Variants in LRBA observed in about 807,000 individuals in gnomAD.
LRBA encodes LPS responsive beige-like anchor protein, also known as lipopolysaccharide-responsive and beige-like anchor protein.
Under a neutral mutation model 330.0 loss-of-function variants are expected in LRBA, and 176 were observed. The observed-to-expected ratio is 0.53, with a 90% CI of 0.47 to 0.60. The LOEUF (loss-of-function observed/expected upper bound fraction) is 0.60. Among genes scored for constraint, LRBA ranks in the 20% least tolerant of loss-of-function variants. The probability of loss-of-function intolerance (pLI) is 0.00; values close to 1 mark genes in which losing one functional copy is unlikely to be tolerated. For synonymous variants in LRBA, 1,230 were observed against 1,193.0 expected (o/e 1.03, Z -0.64); for missense variants, 3,259 against 3,444.8 (o/e 0.95, Z 1.35).
intron 34 of LRBA, among the ~76,000 whole-genome samples, chr4:150,763,092 G>A (rs778204170): frequency 3.3e-5 from 5 of 151,904 alleles, no homozygotes; most frequent in African/African-American, 7.2e-5. Context: ...AATAGTATTA[G>A]TATAACTATG....
intron 35 of LRBA, among the ~76,000 whole-genome samples, chr4:150,743,403 A>G (rs1345125743): frequency 6.6e-6 from 1 of 152,244 alleles, no homozygotes; most frequent in Non-Finnish European, 1.5e-5. Flanking sequence ...ATCAAAATAT[A>G]CAATCATATA....
At chr4:150,600,239 C>A (rs1003645971) in intron 37 of LRBA, among the ~76,000 whole-genome samples, 6 of 152,022 alleles carry the variant, frequency 3.9e-5, no homozygotes, top group Non-Finnish European at 7.4e-5. Context: ...TATTCATAAT[C>A]AAAACTTCTT....
At chr4:150,819,261 C>T (rs1310921313) in intron 30 of LRBA, among the ~76,000 whole-genome samples, 1 of 150,754 alleles carries the variant, frequency 6.6e-6, no homozygotes, top group Non-Finnish European at 1.5e-5. Flanking sequence ...AGAATAATTG[C>T]CTCTGGGGGA....
intron 48 of LRBA, among the ~76,000 whole-genome samples, chr4:150,331,499 C>T (rs1440485571): frequency 1.3e-5 from 2 of 152,140 alleles, no homozygotes; most frequent in Non-Finnish European, 2.9e-5. Context: ...CCATTAGCCA[C>T]CTTCAATAAT....
chr4:150,499,824 C>T (rs996940233), intron 40 of LRBA, among the ~76,000 whole-genome samples: 1 of 151,994 alleles, frequency 6.6e-6, no homozygotes, highest in Admixed American at 6.6e-5. Context: ...CTTCTCAATG[C>T]CAATTCTTCC....
intron 17 of LRBA, among the ~76,000 whole-genome samples, chr4:150,878,657 G>C (rs1408610133): frequency 2.0e-5 from 3 of 151,184 alleles, no homozygotes; most frequent in Non-Finnish European, 4.4e-5. Flanking sequence ...CAAAGTTGAT[G>C]ATACAACCAA....
At chr4:150,719,822 G>A (rs774212931) in intron 36 of LRBA, among the ~76,000 whole-genome samples, 146 of 152,152 alleles carry the variant, frequency 9.6e-4, no homozygotes, top group East Asian at 1.7e-3. Flanking sequence ...TGAAAAATGC[G>A]GCTGATTCAC....
At chr4:150,921,127 C>A in intron 5 of LRBA, 71 bp downstream of exon 5, 1 of 984,116 alleles carries the variant, frequency 1.0e-6, no homozygotes, top group South Asian at 1.3e-5. Context: ...CAGGGGTGTT[C>A]ACAGGGCTGT....
At chr4:150,976,692 G>A (rs1740217990) in intron 2 of LRBA, among the ~76,000 whole-genome samples, 1 of 137,510 alleles carries the variant, frequency 7.3e-6, no homozygotes. Flanking sequence ...CAAAAATAAG[G>A]TGAGCAATCA....
chr4:150,386,273 GT>G (rs1435628547), intron 47 of LRBA, among the ~76,000 whole-genome samples: 1 of 151,968 alleles, frequency 6.6e-6, no homozygotes, highest in African/African-American at 2.4e-5. Flanking sequence ...TTTCATTAAT[GT>G]TTTCTAAATA....
At chr4:150,790,245 T>C (rs2126637986) in intron 34 of LRBA, among the ~76,000 whole-genome samples, 1 of 152,352 alleles carries the variant, frequency 6.6e-6, no homozygotes, top group South Asian at 2.1e-4. Flanking sequence ...CAGGGTGTAC[T>C]GCCAGTTCCA....
chr4:150,648,158 C>CAAAAAAAAAAAAAA lies in LRBA; in HGVS notation c.5921+35379_5921+35392dup. Among the ~76,000 whole-genome samples, 18 of 18,096 alleles carry CAAAAAAAAAAAAAA rather than the reference C, an allele frequency of 9.9e-4. 2 individuals are homozygous for CAAAAAAAAAAAAAA. The highest frequency in any genetic ancestry group is 5.1e-3 in the East Asian group (2 of 392). 11.9% of individuals were successfully genotyped at this position (18,096 alleles called of 152,430 possible). On this transcript the variant is annotated intron_variant, in intron 37 of 56. Coordinates refer to ENST00000651943, the MANE Select transcript of LRBA (RefSeq NM_001364905.1). ...TCAGAAGAGAAAGGAACACAAGTAG[C>CAAAAAAAAAAAAAA]AAAAAAAAAAAAAAAAAAACTAGAA...
At chr4:150,579,105 G>A in intron 40 of LRBA, 1 of 373,964 alleles carries the variant, frequency 2.7e-6, no homozygotes, top group Non-Finnish European at 5.2e-6. Flanking sequence ...AGCCTCTAGA[G>A]TTTCTTTCTC....
intron 36 of LRBA, among the ~76,000 whole-genome samples, chr4:150,696,573 C>T (rs1784634791): frequency 2.0e-5 from 3 of 152,090 alleles, no homozygotes; most frequent in African/African-American, 7.2e-5. Flanking sequence ...AAATACGTAA[C>T]AAATAGTCCC....
At chr4:150,451,734 A>T (rs1285553979) in intron 44 of LRBA, among the ~76,000 whole-genome samples, 1 of 152,148 alleles carries the variant, frequency 6.6e-6, no homozygotes, top group East Asian at 1.9e-4. Context: ...AGAAAAAGCA[A>T]TAGAAAAATA....
intron 36 of LRBA, among the ~76,000 whole-genome samples, chr4:150,693,262 AGGG>A (rs1784295282): frequency 6.6e-6 from 1 of 152,202 alleles, no homozygotes; most frequent in Non-Finnish European, 1.5e-5. Context: ...CATTTATATA[AGGG>A]TCAAAAATTG....
At chr4:150,359,768 T>C (rs531963048) in intron 47 of LRBA, among the ~76,000 whole-genome samples, 3 of 151,932 alleles carry the variant, frequency 2.0e-5, no homozygotes, top group South Asian at 2.1e-4. Context: ...ATCACGAGGT[T>C]AGGAGTTCAA....
intron 2 of LRBA, among the ~76,000 whole-genome samples, chr4:150,945,414 C>T (rs901165533): frequency 6.6e-6 from 1 of 152,094 alleles, no homozygotes; most frequent in Non-Finnish European, 1.5e-5. Flanking sequence ...TGGCATGCCA[C>T]GATGTTCAAG....
In LRBA at chr4:150,347,012, T is replaced by C. The variant is rs112567526; in HGVS notation, c.7362+2980A>G. On this transcript the variant is annotated intron_variant, in intron 48 of 56. Coordinates refer to ENST00000651943, the MANE Select transcript of LRBA (RefSeq NM_001364905.1). ...ATAAACAAAATGTGGTATATATATA[T>C]ACACAATGGAATATTACTCAGCCTA... is the stretch of plus-strand genomic sequence containing the variant. 9.8e-3 allele frequency among the ~76,000 whole-genome samples: 1,494 copies of C among 152,140 alleles called. 20 individuals carry two copies. The highest frequency in any genetic ancestry group is 0.034 in the African/African-American group (1,408 of 41,526).
Sources: gnomAD v4.1 joint callset for allele counts (sites outside exome capture counted in the v4.1 genomes callset) on GRCh38, gnomAD v4.1.1 for gene constraint, MANE v1.5 for transcripts, NCBI Gene and HGNC (gene_info 2026-07-23, HGNC 2026-07-21) for gene names.